The following ZNF185 variants were observed in gnomAD, a reference collection of about 807,000 sequenced individuals.
The protein encoded by ZNF185 is zinc finger protein 185 with LIM domain, also known as zinc finger protein 185.
ZNF185 carries 56 observed loss-of-function variants against 58.6 expected under a neutral mutation model. The ratio of observed to expected loss-of-function variants is 0.95; its 90% confidence interval spans 0.77 to 1.19. The LOEUF is 1.19. ZNF185 is among the 50% of genes most tolerant of loss of function. The probability of loss-of-function intolerance (pLI) is 0.00; values close to 1 mark genes in which losing one functional copy is unlikely to be tolerated. For synonymous variants in ZNF185, 230 were observed against 215.9 expected (o/e 1.07, Z -0.57); for missense variants, 627 against 573.5 (o/e 1.09, Z -0.95).
At chrX:152,899,388 A>G in the ZNF185 span, among the ~76,000 whole-genome samples, 2 of 113,120 alleles carry the variant, frequency 1.8e-5, no homozygotes, top group Non-Finnish European at 3.7e-5. Flanking sequence ...CAAGTGGCCA[A>G]GACACAGATG....
chrX:152,955,944 A>T (rs1271573005), intron 16 of ZNF185, among the ~76,000 whole-genome samples: 1 of 110,973 alleles, frequency 9.0e-6, no homozygotes, highest in African/African-American at 3.3e-5. Flanking sequence ...CCAGGTTCTC[A>T]CTTAGGTGAG....
chrX:152,945,548 ACACCCTGTGCCAATAC>A, intron 16 of ZNF185, 84 bp downstream of exon 18: 1 of 1,035,513 alleles, frequency 9.7e-7, no homozygotes, highest in Non-Finnish European at 1.3e-6. Flanking sequence ...CCACTTCCCC[ACACCCTGTGCCAATAC>A]CCGACACATT....
At chrX:152,960,088 A>G (rs1434615265) in intron 17 of ZNF185, among the ~76,000 whole-genome samples, 192 bp downstream of exon 19, 3 of 112,262 alleles carry the variant, frequency 2.7e-5, no homozygotes, top group Non-Finnish European at 5.6e-5. Context: ...GCTTGGAGCC[A>G]TAGCATCAAA....
the ZNF185 span, among the ~76,000 whole-genome samples, chrX:152,900,038 G>C: frequency 1.7e-3 from 185 of 111,917 alleles, 2 homozygotes; most frequent in African/African-American, 5.7e-3. Flanking sequence ...TTCCTGCTCA[G>C]CTCAAGTCCA....
intron 11 of ZNF185, among the ~76,000 whole-genome samples, chrX:152,923,366 C>G (rs1337097253): frequency 8.9e-6 from 1 of 112,231 alleles, no homozygotes; most frequent in Non-Finnish European, 1.9e-5. Flanking sequence ...GAAATGCTGG[C>G]AGAGGGAGCC....
At chrX:152,907,314 C>T in the ZNF185 span, among the ~76,000 whole-genome samples, 7 of 112,738 alleles carry the variant, frequency 6.2e-5, 1 homozygote, top group South Asian at 1.8e-3. Flanking sequence ...TTGCTGTGGT[C>T]GGGATAACAG....
At chrX:152,938,006 AG>A (rs1486916986) in intron 14 of ZNF185, 67 bp from the exon 17 acceptor site, 2 of 1,043,076 alleles carry the variant, frequency 1.9e-6, no homozygotes, top group Non-Finnish European at 1.3e-6. Flanking sequence ...GGCAGCCTGG[AG>A]GGGGAAGACC....
rs782057560 is a variant in ZNF185 at position 152,914,699 on chromosome X, T to G, written c.35-11T>G. 5 of 1,197,968 alleles carry G rather than the reference T, an allele frequency of 4.2e-6. No individual in the cohort carries two copies. The East Asian group carries it at 1.5e-4, about 36-fold the overall frequency. Reference sequence around the variant, plus strand: ...TTCCTCTTCTGAGGCGGTTGGCTTTTCCCACCACAGGGAAGCCTCTGCCAC... The same window carrying G: ...TTCCTCTTCTGAGGCGGTTGGCTTTGCCCACCACAGGGAAGCCTCTGCCAC... On this transcript the variant is annotated splice_polypyrimidine_tract_variant and intron_variant, in intron 1 of 22. Coordinates refer to ENST00000449285, the Ensembl canonical transcript of ZNF185.
exon 23 of ZNF185, chrX:152,973,241 C>CAT: frequency 8.9e-6 from 1 of 112,156 alleles, no homozygotes; most frequent in Non-Finnish European, 1.9e-5. Context: ...AAGGTATAGT[C>CAT]TGCCTTTAAG....
At chrX:152,943,480 TAACC>T (rs2047463730) in intron 15 of ZNF185, among the ~76,000 whole-genome samples, 4 of 112,329 alleles carry the variant, frequency 3.6e-5, no homozygotes, top group Admixed American at 1.9e-4. Context: ...TGCCTATCTC[TAACC>T]ACTTGACTTC....
the ZNF185 span, among the ~76,000 whole-genome samples, chrX:152,906,383 G>A: frequency 8.8e-6 from 1 of 113,307 alleles, no homozygotes; most frequent in Non-Finnish European, 1.9e-5. Flanking sequence ...CTCCATTAAA[G>A]CTCCTTGTCC....
At chrX:152,941,480 G>A (rs1242386591) in intron 15 of ZNF185, among the ~76,000 whole-genome samples, 1 of 112,901 alleles carries the variant, frequency 8.9e-6, no homozygotes, top group Non-Finnish European at 1.9e-5. Context: ...AAGAAAAAGG[G>A]ATGGCACAGA....
chrX:152,932,871 A>T lies in ZNF185; in HGVS notation c.1023-2A>T, dbSNP rs182817525. Reference sequence around the variant, plus strand: ...CAGCAAATACTCCACTTCTCATAACAGGTCAAGTGCACAGTTGAGTGATGG... The same window carrying T: ...CAGCAAATACTCCACTTCTCATAACTGGTCAAGTGCACAGTTGAGTGATGG... On this transcript the variant is annotated splice_acceptor_variant, in intron 13 of 22. Transcript: ENST00000449285. LOFTEE classifies it high-confidence loss of function. 8.4e-7 allele frequency: 1 copy of T among 1,192,614 alleles called. No homozygotes were observed. Among genetic ancestry groups the T allele is most frequent in the African/African-American group, 1.8e-5 (1 of 56,877 alleles).
intron 19 of ZNF185, 142 bp downstream of exon 21, chrX:152,965,669 G>A (rs2050036474): frequency 4.1e-6 from 2 of 482,767 alleles, no homozygotes; most frequent in Non-Finnish European, 3.4e-6. Flanking sequence ...TGATGTAGTT[G>A]CCCTCTGATG....
chrX:152,903,276 C>T, the ZNF185 span, among the ~76,000 whole-genome samples: 1 of 105,743 alleles, frequency 9.5e-6, no homozygotes, highest in African/African-American at 3.5e-5. Context: ...GTAATCCCGG[C>T]CACTAGGGAG....
chrX:152,911,210 G>A (rs782638030), upstream of ZNF185, among the ~76,000 whole-genome samples: 40 of 111,970 alleles, frequency 3.6e-4, no homozygotes, highest in Admixed American at 5.7e-4. Context: ...GGCTTAGCTC[G>A]GCGGAAGTTG....
At chrX:152,952,356 T>G (rs1157107773) in intron 16 of ZNF185, among the ~76,000 whole-genome samples, 1 of 112,650 alleles carries the variant, frequency 8.9e-6, no homozygotes, top group Middle Eastern at 4.7e-3. Flanking sequence ...GTTTCCTTAA[T>G]TTATGAGAGC....
chrX:152,937,781 A>G (rs1556883545), intron 14 of ZNF185, among the ~76,000 whole-genome samples: 1 of 112,323 alleles, frequency 8.9e-6, no homozygotes, highest in East Asian at 2.8e-4. Context: ...AAGCACATCC[A>G]GGTACCTTAC....
At chrX:152,933,211 C>G (rs947383188) in intron 14 of ZNF185, among the ~76,000 whole-genome samples, 3 of 112,956 alleles carry the variant, frequency 2.7e-5, no homozygotes, top group Non-Finnish European at 5.6e-5. Context: ...AGAGTAGGCA[C>G]TAGGCCCACT....
Sources: allele counts gnomAD v4.1 joint callset (sites outside exome capture counted in the v4.1 genomes callset), GRCh38; gene constraint gnomAD v4.1.1; transcripts MANE v1.5; gene names NCBI Gene and HGNC (gene_info 2026-07-23, HGNC 2026-07-21).